Variants in TARDBP observed in about 807,000 individuals in gnomAD.
TARDBP encodes the protein TAR DNA-binding protein 43.
In TARDBP, 4 loss-of-function variants were observed where a neutral mutation model predicts 38.3. The ratio of observed to expected loss-of-function variants is 0.10; its 90% CI spans 0.05 to 0.24. The LOEUF (loss-of-function observed/expected upper bound fraction) is 0.24. TARDBP is among the 10% of genes least tolerant of loss of function. The pLI, the probability that TARDBP is intolerant of heterozygous loss-of-function variation, is 1.00. For missense variants in TARDBP, 202 were observed against 521.9 expected, an observed-to-expected ratio of 0.39 and a Z score of 5.97; for synonymous variants, 184 against 183.8, an observed-to-expected ratio of 1.00 and a Z score of -0.01.
rs573824736 is a variant in TARDBP at position 11,023,079 on chromosome 1, C to A, written c.*425C>A. ...TATGGATTTTTTTCCTTAAGAAAAT[C>A]TCCTTTTAGGAGATCATGGTGTCAC... is the stretch of plus-strand genomic sequence containing the variant. On this transcript the variant is annotated 3_prime_UTR_variant, in exon 6 of 6. Transcript: ENST00000240185. 1 of 1,450,108 alleles carries A rather than the reference C, an allele frequency of 6.9e-7. No homozygotes were observed. Among genetic ancestry groups the A allele is most frequent in the East Asian group, 2.6e-5 (1 of 39,160 alleles). The allele number at this position is 1,450,108 out of a possible 1,614,324, so 89.8% of individuals were successfully genotyped here.
intron 2 of TARDBP, 125 bp downstream of exon 2, chr1:11,014,090 G>A (rs930946087): frequency 2.0e-6 from 2 of 985,744 alleles, no homozygotes; most frequent in African/African-American, 1.6e-5. Context: ...TTGAACTTCA[G>A]TGTTAGACAA....
rs1643469521 is a variant in TARDBP, at chr1:11,014,170, G to A, written c.238+205G>A. Among the ~76,000 whole-genome samples, 2 of 152,138 alleles carry A rather than the reference G, an allele frequency of 1.3e-5. 1 individual carries two copies. Among genetic ancestry groups the A allele is most frequent in the African/African-American group, 4.8e-5 (2 of 41,430 alleles). On this transcript the variant is annotated intron_variant, in intron 2 of 5. Transcript: ENST00000240185. ...AGATCATTTTAAAAGAGAAAACAAT[G>A]TATTTAAAAAATATCTGAATAAACT...
rs371599230 is a variant in TARDBP, at chr1:11,017,787, C to T, written c.402+780C>T. ...TAAAATCCTGTTGTGGTGGCTCATGCCTGTAATCCCAGCATTTTGGGAGGC... is the reference window on the plus strand; with the variant it reads ...TAAAATCCTGTTGTGGTGGCTCATGTCTGTAATCCCAGCATTTTGGGAGGC... On this transcript the variant is annotated intron_variant, in intron 3 of 5. Transcript: ENST00000240185. 2.6e-4 allele frequency among the ~76,000 whole-genome samples: 39 copies of T among 152,290 alleles called. No homozygotes were observed. In the South Asian group the frequency reaches 8.1e-3, roughly 32 times the overall value.
rs145088020 is a variant in TARDBP, at chr1:11,021,056, T to C, written c.714+457T>C. On this transcript the variant is annotated intron_variant, in intron 5 of 5. Transcript: ENST00000240185. ...ATGTTTGTGATACCTGTATCTGATA[T>C]CACAAATACAACATTTTAAGAAATC... 3.1e-3 allele frequency among the ~76,000 whole-genome samples: 472 copies of C among 152,324 alleles called. 7 individuals are homozygous for C. Among genetic ancestry groups the C allele is most frequent in the African/African-American group, 0.011 (442 of 41,562 alleles).
At chr1:11,026,708 C>G, downstream of TARDBP, 1 of 465,278 alleles carries the variant, frequency 2.1e-6, no homozygotes, top group Non-Finnish European at 3.7e-6. Flanking sequence ...ATGGGTAAGG[C>G]TGGAATTAAA....
chr1:11,013,475 C>T (rs182627551), intron 1 of TARDBP, among the ~76,000 whole-genome samples: 1 of 152,218 alleles, frequency 6.6e-6, no homozygotes, highest in Non-Finnish European at 1.5e-5. Flanking sequence ...CAGTACCTGA[C>T]GCATCATAAG....
rs1643581938 is a variant in TARDBP, at chr1:11,018,947, C to T, written c.543+74C>T. The T allele has an allele frequency of 8.7e-6, 14 of 1,603,694 alleles. No homozygotes were observed. In the South Asian group the frequency reaches 1.2e-4, roughly 14 times the overall value. Reference sequence around the variant, plus strand: ...GGATTGTAAGATAAAATGTTAAACACACTTAGAAAAGATAGCGGCAGGGTG... The same window carrying T: ...GGATTGTAAGATAAAATGTTAAACATACTTAGAAAAGATAGCGGCAGGGTG... On this transcript the variant is annotated intron_variant, in intron 4 of 5. Coordinates refer to ENST00000240185, the MANE Select transcript of TARDBP (RefSeq NM_007375.4).
chr1:11,019,536 A>G (rs1329905587), intron 4 of TARDBP, among the ~76,000 whole-genome samples: 1 of 152,026 alleles, frequency 6.6e-6, no homozygotes, highest in Non-Finnish European at 1.5e-5. Context: ...GGGGTAGGCT[A>G]TGCTATCTGG....
At chr1:11,028,683 T>C (rs1044745757), downstream of TARDBP, among the ~76,000 whole-genome samples, 6 of 148,398 alleles carry the variant, frequency 4.0e-5, no homozygotes, top group African/African-American at 1.5e-4. Flanking sequence ...ATTAATATAT[T>C]ACTATCTTTC....
intron 2 of TARDBP, chr1:11,016,113 T>TTATTTTTAGTA (rs1643519372): frequency 6.6e-6 from 1 of 152,100 alleles, no homozygotes; most frequent in African/African-American, 2.4e-5. Flanking sequence ...AATTTTTTCT[T>TTATTTTTAGTA]TATTTTTAGT....
At chr1:11,019,040 G>A in intron 4 of TARDBP, 167 bp downstream of exon 4, 1 of 837,516 alleles carries the variant, frequency 1.2e-6, no homozygotes, top group Non-Finnish European at 2.0e-6. Flanking sequence ...TTTTATGCTT[G>A]TTTGAAATAT....
At chr1:11,018,519 A>G (rs1048829795) in intron 3 of TARDBP, 6 of 644,706 alleles carry the variant, frequency 9.3e-6, no homozygotes, top group African/African-American at 5.5e-5. Flanking sequence ...ACTCAAAAAC[A>G]TTTCTGTTGT....
chr1:11,020,340 G>T, intron 4 of TARDBP, 89 bp from the exon 5 acceptor site: 1 of 1,517,504 alleles, frequency 6.6e-7, no homozygotes, highest in South Asian at 1.1e-5. Flanking sequence ...TATCCAAGGC[G>T]AATGATTTTG....
At chr1:11,026,803 G>T (rs1643740075), downstream of TARDBP, 1 of 1,231,342 alleles carries the variant, frequency 8.1e-7, no homozygotes, top group Non-Finnish European at 1.1e-6. Context: ...CAGTAATGAT[G>T]AATGCTTCTC....
Position 11,016,963 on chromosome 1 carries a change from C to T in TARDBP, c.358C>T (p.Leu120=). The T allele has an allele frequency of 1.2e-6, 2 of 1,614,212 alleles. No homozygotes were observed. Among genetic ancestry groups the T allele is most frequent in the Non-Finnish European group, 1.7e-6 (2 of 1,180,040 alleles). ...GLPWKTTEQD[L]KEYFSTFGEV... ...CCCATGGAAAACAACCGAACAGGAC[C>T]TGAAAGAGTATTTTAGTACCTTTGG... Residue 120 remains leucine (L), a synonymous_variant, in exon 3 of 6, where the codon CTG becomes TTG. Transcript: ENST00000240185.
At chr1:11,028,824 C>T (rs1285178664), downstream of TARDBP, among the ~76,000 whole-genome samples, 2 of 145,268 alleles carry the variant, frequency 1.4e-5, no homozygotes, top group Non-Finnish European at 1.5e-5. Context: ...TGCCATTCTC[C>T]TGCCTCAGCC....
intron 3 of TARDBP, among the ~76,000 whole-genome samples, chr1:11,017,412 G>A (rs1235096887): frequency 6.6e-6 from 1 of 152,084 alleles, no homozygotes; most frequent in African/African-American, 2.4e-5. Context: ...CGTTGGCCAG[G>A]CTGTTCTTGA....
chr1:11,016,167 C>G (rs2100843518), intron 2 of TARDBP: 1 of 152,584 alleles, frequency 6.6e-6, no homozygotes, highest in Non-Finnish European at 1.5e-5. Flanking sequence ...TCTTGAACTC[C>G]TGACCTTGTG....
Position 11,023,168 on chromosome 1 carries a change from T to C in TARDBP, c.*514T>C, listed in dbSNP as rs563939085. On this transcript the variant is annotated 3_prime_UTR_variant, in exon 6 of 6. Coordinates refer to ENST00000240185, the MANE Select transcript of TARDBP (RefSeq NM_007375.4). Reference sequence around the variant, plus strand: ...TCCCCTCATACACAAAAGTACAATATGAAGCCTTCATTTAATCTCTGCAGT... The same window carrying C: ...TCCCCTCATACACAAAAGTACAATACGAAGCCTTCATTTAATCTCTGCAGT... 1.3e-6 allele frequency: 2 copies of C among 1,550,108 alleles called. No individual in the cohort carries two copies. Among genetic ancestry groups the C allele is most frequent in the East Asian group, 4.9e-5 (2 of 40,922 alleles).
Sources: allele counts gnomAD v4.1 joint callset (sites outside exome capture counted in the v4.1 genomes callset), GRCh38; gene constraint gnomAD v4.1.1; transcripts MANE v1.5; gene names NCBI Gene and HGNC (gene_info 2026-07-23, HGNC 2026-07-21).